OR14A16: variants seen among roughly 807,000 people sequenced by gnomAD.
The protein encoded by OR14A16 is olfactory receptor family 14 subfamily A member 16.
For synonymous variants in OR14A16, 135 were observed against 137.6 expected (o/e 0.98, Z 0.13); for missense variants, 341 against 366.5 (o/e 0.93, Z 0.57).
intron 1 of OR14A16, among the ~76,000 whole-genome samples, chr1:247,820,764 G>A (rs1183260410): frequency 6.6e-6 from 1 of 151,848 alleles, no homozygotes; most frequent in Non-Finnish European, 1.5e-5. Flanking sequence ...GGAGGCTGAG[G>A]CAGGAGAATC....
At chr1:247,821,223 A>G (rs1190620170) in intron 1 of OR14A16, among the ~76,000 whole-genome samples, 1 of 152,204 alleles carries the variant, frequency 6.6e-6, no homozygotes, top group Non-Finnish European at 1.5e-5. Context: ...CTTGAGAGGA[A>G]CATATCTTCT....
chr1:247,819,326 T>A (rs547735399), intron 1 of OR14A16, 149 bp from the exon 2 acceptor site: 4 of 152,142 alleles, frequency 2.6e-5, no homozygotes, highest in Admixed American at 6.6e-5. Context: ...ATGCGAGTAA[T>A]ATCATGAAGA....
Position 247,814,867 on chromosome 1 carries a change from C to T in OR14A16, c.863G>A (p.Ser288Asn), listed in dbSNP as rs749217143. ...LPPTFNPIIY[S>N]LRNKAIKVAL... ...CACCTTTATGGCCTTGTTTCTCAAA[C>T]TGTATATAATGGGATTAAAGGTTGG... Residue 288 changes from serine (S) to asparagine (N), a missense_variant, in exon 3 of 3, where the codon AGT becomes AAT. Transcript: ENST00000641093. 8.1e-6 allele frequency: 13 copies of T among 1,607,138 alleles called. 1 individual carries two copies. In the South Asian group the frequency reaches 1.2e-4, roughly 15 times the overall value.
chr1:247,817,169 C>A (rs377110290), intron 2 of OR14A16, among the ~76,000 whole-genome samples: 3 of 152,156 alleles, frequency 2.0e-5, no homozygotes, highest in Non-Finnish European at 4.4e-5. Context: ...CTGTACTTGA[C>A]AATTTTCCTC....
intron 1 of OR14A16, among the ~76,000 whole-genome samples, chr1:247,822,132 T>TG (rs1662750966): frequency 6.6e-6 from 1 of 152,076 alleles, no homozygotes; most frequent in Non-Finnish European, 1.5e-5. Flanking sequence ...TTCCATACTG[T>TG]GGTAGTTAAT....
rs1662599415 is a variant in OR14A16 at position 247,815,574 on chromosome 1, A to C, written c.156T>G (p.His52Gln). The C allele has an allele frequency of 6.2e-7, 1 of 1,613,988 alleles. No homozygotes were observed. The highest frequency in any genetic ancestry group is 1.3e-5 in the African/African-American group (1 of 74,916). ...AGAAGAAATACACGGGGGTGTGGAG[A>C]TGATGGTCCAAAGTTGTGATCATGA... is the stretch of plus-strand genomic sequence containing the variant. The part of the protein sequence containing the change: ...LIIMITTLDH[H>Q]LHTPVYFFLK... Residue 52 changes from histidine (H) to glutamine (Q), a missense_variant, in exon 3 of 3, where the codon CAT becomes CAG. Coordinates refer to ENST00000641093, the MANE Select transcript of OR14A16 (RefSeq NM_001001966.2).
At chr1:247,822,855 A>G (rs1662766065) in intron 1 of OR14A16, among the ~76,000 whole-genome samples, 1 of 152,210 alleles carries the variant, frequency 6.6e-6, no homozygotes, top group African/African-American at 2.4e-5. Flanking sequence ...TTCATCAAGA[A>G]AAGATGCAGA....
At chr1:247,817,028 A>G (rs1177076435) in intron 2 of OR14A16, among the ~76,000 whole-genome samples, 1 of 152,212 alleles carries the variant, frequency 6.6e-6, no homozygotes, top group African/African-American at 2.4e-5. Context: ...CATAATTTGA[A>G]CAAAATTCAG....
Position 247,815,544 on chromosome 1 carries a change from C to A in OR14A16, c.186G>T (p.Lys62Asn), listed in dbSNP as rs774862927. The change falls in exon 3 of 3, where the codon AAG (lysine) becomes AAT (asparagine). Residue 62 changes from lysine (K) to asparagine (N), a missense_variant. By Grantham distance (94) the Lys-to-Asn change is moderately conservative (BLOSUM62 0). Transcript: ENST00000641093. ...HLHTPVYFFL[K>N]NLSFLDLCLI... Reference sequence around the variant, plus strand: ...GGCAGAGATCCAAGAAAGATAGATTCTTCAAGAAGAAATACACGGGGGTGT... The same window carrying A: ...GGCAGAGATCCAAGAAAGATAGATTATTCAAGAAGAAATACACGGGGGTGT... 12 of 1,614,068 alleles carry A rather than the reference C, an allele frequency of 7.4e-6. No individual in the cohort carries two copies. Among genetic ancestry groups the A allele is most frequent in the Admixed American group, 5.0e-5 (3 of 60,012 alleles).
At chr1:247,823,812 G>A (rs546874526) in intron 1 of OR14A16, 141 bp downstream of exon 1, 16 of 151,978 alleles carry the variant, frequency 1.1e-4, no homozygotes, top group East Asian at 7.7e-4. Flanking sequence ...TCCAAAATTC[G>A]AATTTAAAGT....
chr1:247,823,845 TG>T (rs1662790430), intron 1 of OR14A16, 107 bp downstream of exon 1: 2 of 151,122 alleles, frequency 1.3e-5, no homozygotes, highest in Non-Finnish European at 2.9e-5. Flanking sequence ...AAAATTGAAT[TG>T]AATTTAAAGC....
At chr1:247,820,860 C>CAAAA (rs35415698) in intron 1 of OR14A16, among the ~76,000 whole-genome samples, 1 of 120,808 alleles carries the variant, frequency 8.3e-6, no homozygotes, top group South Asian at 2.7e-4. Context: ...AGCACCGTCT[C>CAAAA]AAAAAAAAAA....
intron 2 of OR14A16, among the ~76,000 whole-genome samples, chr1:247,816,155 C>T (rs1291264896): frequency 2.0e-5 from 3 of 152,154 alleles, no homozygotes; most frequent in Non-Finnish European, 4.4e-5. Context: ...TACATCTTGT[C>T]CCATGACTAA....
At chr1:247,817,483 T>TCACTAA (rs1662645566) in intron 2 of OR14A16, among the ~76,000 whole-genome samples, 1 of 152,194 alleles carries the variant, frequency 6.6e-6, no homozygotes, top group African/African-American at 2.4e-5. Flanking sequence ...TGACTTCATC[T>TCACTAA]TACAGCATCA....
intron 1 of OR14A16, among the ~76,000 whole-genome samples, chr1:247,822,394 G>C (rs1404010001): frequency 4.0e-5 from 6 of 151,756 alleles, no homozygotes; most frequent in Admixed American, 3.9e-4. Context: ...TGTTATCTCT[G>C]TCTTCAGGAG....
rs1235601941 is a variant in OR14A16, at chr1:247,815,569, T to C, written c.161A>G (p.His54Arg). 1.2e-6 allele frequency: 2 copies of C among 1,614,058 alleles called. No individual in the cohort carries two copies. The highest frequency in any genetic ancestry group is 3.3e-5 in the Admixed American group (2 of 60,004). Residue 54 changes from histidine to arginine, a missense_variant, in exon 3 of 3, where the codon CAC (histidine) becomes CGC (arginine). Coordinates refer to ENST00000641093, the MANE Select transcript of OR14A16 (RefSeq NM_001001966.2). ...IMITTLDHHL[H>R]TPVYFFLKNL... ...CTTCAAGAAGAAATACACGGGGGTGTGGAGATGATGGTCCAAAGTTGTGAT... is the reference window on the plus strand; with the variant it reads ...CTTCAAGAAGAAATACACGGGGGTGCGGAGATGATGGTCCAAAGTTGTGAT...
In OR14A16 at chr1:247,814,705, A is replaced by T. The variant is rs1367873175; in HGVS notation, c.*95T>A. 2.1e-5 allele frequency: 13 copies of T among 613,720 alleles called. 1 individual carries two copies. The highest frequency in any genetic ancestry group is 3.2e-5 in the Non-Finnish European group (13 of 405,386). The allele number at this position is 613,720 out of a possible 1,614,324, so 38.0% of individuals were successfully genotyped here. A position where few individuals can be genotyped will look rare whatever the true frequency, so the allele number is the denominator to read the frequency against. On this transcript the variant is annotated 3_prime_UTR_variant, in exon 3 of 3. Transcript: ENST00000641093. ...ATAATTGCTTTCATTTGTCTTTTTA[A>T]ATTTTTACTTTTAAGAATTAGAGAT...
chr1:247,814,950 A>G lies in OR14A16; in HGVS notation c.780T>C (p.Ala260=), dbSNP rs147308689. ...CATCCAAAATAGAAGGAGACTCTGA[A>G]GCTGGCTTCAGATAAGCAATGAATC... ...STGFIAYLKP[A]SESPSILDAV... is the part of the protein sequence containing the mutation. The change falls in exon 3 of 3, where the codon GCT becomes GCC. Residue 260 remains alanine, a synonymous_variant. Transcript: ENST00000641093. 5.1e-5 allele frequency: 83 copies of G among 1,613,938 alleles called. No individual in the cohort carries two copies. The highest frequency in any genetic ancestry group is 6.1e-5 in the Non-Finnish European group (72 of 1,179,988).
chr1:247,820,881 T>G (rs1662724869), intron 1 of OR14A16, among the ~76,000 whole-genome samples: 1 of 152,000 alleles, frequency 6.6e-6, no homozygotes, highest in Non-Finnish European at 1.5e-5. Flanking sequence ...AAAAAAATCT[T>G]TATTTTTCAT....
Sources: gnomAD v4.1 joint callset for allele counts (sites outside exome capture counted in the v4.1 genomes callset) on GRCh38, gnomAD v4.1.1 for gene constraint, MANE v1.5 for transcripts, NCBI Gene and HGNC (gene_info 2026-07-23, HGNC 2026-07-21) for gene names.